Variants in NTN1 observed in about 807,000 individuals in gnomAD.
NTN1 encodes the protein netrin 1, also known as netrin-1.
A neutral mutation model predicts 54.2 loss-of-function variants in NTN1; 11 were observed. That is an observed-to-expected ratio of 0.20 (90% confidence interval 0.13 to 0.34). NTN1 has a LOEUF of 0.34. Ranked by LOEUF, NTN1 falls within the 10% of genes least tolerant of loss-of-function variation. NTN1 has a pLI of 1.00. For missense variants in NTN1, 740 were observed against 893.1 expected, an observed-to-expected ratio of 0.83 and a Z score of 2.18; for synonymous variants, 371 against 382.0, an observed-to-expected ratio of 0.97 and a Z score of 0.33.
intron 4 of NTN1, among the ~76,000 whole-genome samples, chr17:9,181,294 C>T (rs932110176): frequency 6.6e-6 from 1 of 152,142 alleles, no homozygotes; most frequent in African/African-American, 2.4e-5. Context: ...CTGGGGGACT[C>T]GTGCCCTGTT....
At chr17:9,169,581 T>C (rs8080435) in intron 3 of NTN1, among the ~76,000 whole-genome samples, 17,645 of 152,210 alleles carry the variant, frequency 0.12, 2,193 homozygotes, top group African/African-American at 0.3. Context: ...TCCTGGAGGA[T>C]TGGCTGGGTG....
At chr17:9,188,534 G>A (rs1242991269) in intron 5 of NTN1, among the ~76,000 whole-genome samples, 2 of 151,070 alleles carry the variant, frequency 1.3e-5, no homozygotes, top group Admixed American at 6.6e-5. Context: ...GGTGAAGTGA[G>A]TCTGATTTGT....
chr17:9,167,127 T>C (rs917088266), intron 3 of NTN1, among the ~76,000 whole-genome samples: 3 of 152,206 alleles, frequency 2.0e-5, no homozygotes, highest in African/African-American at 7.2e-5. Context: ...TTCAGTGCGA[T>C]TTCACAGCAC....
At chr17:9,040,321 A>T (rs1333367305) in intron 2 of NTN1, among the ~76,000 whole-genome samples, 1 of 152,004 alleles carries the variant, frequency 6.6e-6, no homozygotes, top group African/African-American at 2.4e-5. Context: ...AGCATCACAC[A>T]TTTTTTCAGA....
At chr17:9,027,986 A>C (rs1472846449) in intron 2 of NTN1, among the ~76,000 whole-genome samples, 2 of 152,116 alleles carry the variant, frequency 1.3e-5, no homozygotes, top group Admixed American at 6.5e-5. Flanking sequence ...TTAGCTGGGC[A>C]TAGTGGCGGG....
chr17:9,135,194 T>C lies in NTN1; in HGVS notation c.1019-27619T>C, dbSNP rs545948569. 2.3e-4 allele frequency among the ~76,000 whole-genome samples: 35 copies of C among 152,302 alleles called. No homozygotes were observed. The highest frequency in any genetic ancestry group is 4.4e-4 in the Non-Finnish European group (30 of 68,026). On this transcript the variant is annotated intron_variant, in intron 2 of 6. Transcript: ENST00000173229. The surrounding 1 kb of genome is among the most constrained non-coding windows in gnomAD (Gnocchi z 4.4). Reference sequence around the variant, plus strand: ...TTGTCTTTGCTCACCTTGCCAGTTCTTCCCATCTCCTGTCTGGGCTGCCCT... The same window carrying C: ...TTGTCTTTGCTCACCTTGCCAGTTCCTCCCATCTCCTGTCTGGGCTGCCCT...
chr17:9,039,666 C>T (rs1265853133), intron 2 of NTN1, among the ~76,000 whole-genome samples: 2 of 152,154 alleles, frequency 1.3e-5, no homozygotes, highest in Non-Finnish European at 2.9e-5. Flanking sequence ...TCCCTCCTGC[C>T]CCTTTCCACC....
chr17:9,154,735 C>A (rs983207808), intron 2 of NTN1, among the ~76,000 whole-genome samples: 1 of 152,162 alleles, frequency 6.6e-6, no homozygotes, highest in African/African-American at 2.4e-5. Flanking sequence ...AATGGAGCAG[C>A]AAAGTAATAA....
intron 3 of NTN1, 133 bp from the exon 4 acceptor site, chr17:9,179,674 C>A: frequency 1.7e-6 from 2 of 1,150,742 alleles, no homozygotes; most frequent in Non-Finnish European, 2.4e-6. Context: ...TTGGGCTTGG[C>A]TGGGCCTGCT....
intron 2 of NTN1, among the ~76,000 whole-genome samples, chr17:9,148,075 G>C (rs373396603): frequency 1.4e-4 from 21 of 152,296 alleles, no homozygotes; most frequent in Admixed American, 2.6e-4. Flanking sequence ...TAGTGACAGG[G>C]CCTCTTGAGG....
intron 3 of NTN1, among the ~76,000 whole-genome samples, chr17:9,173,055 G>C (rs2092391582): frequency 6.6e-6 from 1 of 151,996 alleles, no homozygotes; most frequent in Non-Finnish European, 1.5e-5. Flanking sequence ...CTGCGTCTTT[G>C]GGCCTCCTTG....
chr17:9,221,147 T>TGG lies in NTN1; in HGVS notation c.1412-21_1412-20insGG. On this transcript the variant is annotated intron_variant, in intron 5 of 6. Transcript: ENST00000173229. This position sits in a 1 kb window ranked among gnomAD's most constrained non-coding sequence, Gnocchi z 4.5. ...CAGCCTAATTAGTTTTTGTCTGTGCTCCCCCCCCACCCCCCTGCAGACTGC... is the reference window on the plus strand; with the variant it reads ...CAGCCTAATTAGTTTTTGTCTGTGCTGGCCCCCCCCACCCCCCTGCAGACTGC... 281 of 1,302,764 alleles carry TGG rather than the reference T, an allele frequency of 2.2e-4. No homozygotes were observed. The highest frequency in any genetic ancestry group is 2.7e-4 in the Non-Finnish European group (256 of 951,906). The allele number at this position is 1,302,764 out of a possible 1,614,324, so 80.7% of individuals were successfully genotyped here.
intron 2 of NTN1, among the ~76,000 whole-genome samples, chr17:9,058,435 C>T (rs989330837): frequency 2.6e-5 from 4 of 151,772 alleles, no homozygotes; most frequent in East Asian, 1.9e-4. Context: ...TATTGAATGC[C>T]GTGTAGGGAA....
intron 2 of NTN1, among the ~76,000 whole-genome samples, chr17:9,089,531 C>G (rs1311177173): frequency 6.6e-6 from 1 of 152,136 alleles, no homozygotes; most frequent in Non-Finnish European, 1.5e-5. Flanking sequence ...TGATAACGCA[C>G]AAGTTTTGCC....
intron 5 of NTN1, among the ~76,000 whole-genome samples, chr17:9,216,767 G>T (rs1597543134): frequency 1.3e-5 from 2 of 152,366 alleles, no homozygotes; most frequent in South Asian, 4.1e-4. Context: ...GTGAGACTGG[G>T]TGCGGTGGCT....
chr17:9,037,338 C>T (rs1173627383), intron 2 of NTN1, among the ~76,000 whole-genome samples: 2 of 152,064 alleles, frequency 1.3e-5, no homozygotes, highest in African/African-American at 2.4e-5. Context: ...GATACTGATC[C>T]TCTCGCTTAT....
intron 6 of NTN1, among the ~76,000 whole-genome samples, chr17:9,234,963 G>GGT (rs1555580083): frequency 5.9e-5 from 4 of 67,412 alleles, no homozygotes; most frequent in Admixed American, 5.0e-4. Context: ...TTTGTTTTTT[G>GGT]GTTTTTTTTT....
chr17:9,003,675 G>T, the NTN1 span, among the ~76,000 whole-genome samples: 4 of 151,276 alleles, frequency 2.6e-5, no homozygotes, highest in African/African-American at 9.7e-5. This position sits in a 1 kb window ranked among gnomAD's most constrained non-coding sequence, Gnocchi z 7.4. Context: ...CCAGCCGCTC[G>T]CTATTTTCAC....
At chr17:9,196,294 A>G (rs1454899291) in intron 5 of NTN1, among the ~76,000 whole-genome samples, 2 of 152,178 alleles carry the variant, frequency 1.3e-5, no homozygotes, top group South Asian at 2.1e-4. Context: ...GAAAGAAAAG[A>G]GGAGAATGGA....
Sources: allele counts gnomAD v4.1 joint callset (sites outside exome capture counted in the v4.1 genomes callset), GRCh38; gene constraint gnomAD v4.1.1; non-coding constraint Gnocchi (gnomAD v3.1); transcripts MANE v1.5; gene names NCBI Gene and HGNC (gene_info 2026-07-23, HGNC 2026-07-21).